The following SND1 variants were observed in gnomAD, a reference collection of about 807,000 sequenced individuals.
SND1 encodes the protein staphylococcal nuclease and tudor domain containing 1, also known as staphylococcal nuclease domain-containing protein 1.
SND1 carries 38 observed loss-of-function variants against 121.7 expected under a neutral mutation model. The observed-to-expected ratio is 0.31, with a 90% confidence interval of 0.24 to 0.41. The LOEUF (loss-of-function observed/expected upper bound fraction) is 0.41. SND1 is among the 10% of genes least tolerant of loss of function. The pLI, the probability that SND1 is intolerant of heterozygous loss-of-function variation, is 1.00. For missense variants in SND1, 868 were observed against 1,184.6 expected (o/e 0.73, Z 3.92); for synonymous variants, 401 against 447.4 (o/e 0.90, Z 1.31).
chr7:127,719,552 T>G (rs1051001254), intron 9 of SND1, among the ~76,000 whole-genome samples: 8 of 152,244 alleles, frequency 5.3e-5, no homozygotes, highest in African/African-American at 1.9e-4. Flanking sequence ...GTTCTGGCTC[T>G]CTGGGTTTTA....
intron 2 of SND1, among the ~76,000 whole-genome samples, chr7:127,693,996 A>T (rs1247936781): frequency 3.9e-5 from 6 of 152,140 alleles, no homozygotes; most frequent in African/African-American, 1.4e-4. Flanking sequence ...CTCTGCTTCT[A>T]CTGTGTGGAT....
intron 3 of SND1, 63 bp downstream of exon 3, chr7:127,695,011 TTGTGG>T: frequency 6.3e-7 from 1 of 1,577,264 alleles, no homozygotes; most frequent in Non-Finnish European, 8.6e-7. Flanking sequence ...ATCAGTTTTC[TTGTGG>T]TGGAAGGCCA....
At chr7:127,923,954 A>G (rs936007190) in intron 14 of SND1, among the ~76,000 whole-genome samples, 2 of 151,250 alleles carry the variant, frequency 1.3e-5, no homozygotes, top group African/African-American at 4.9e-5. Flanking sequence ...CATTTGCTTC[A>G]GTATCCTTAA....
intron 1 of SND1, among the ~76,000 whole-genome samples, chr7:127,677,671 C>A (rs1309472963): frequency 5.9e-5 from 9 of 152,330 alleles, no homozygotes; most frequent in Admixed American, 5.9e-4. Flanking sequence ...CTAGACAATA[C>A]ATAAATGAAT....
chr7:127,980,079 T>A (rs1437064375), intron 15 of SND1, among the ~76,000 whole-genome samples: 1 of 151,592 alleles, frequency 6.6e-6, no homozygotes, highest in East Asian at 1.9e-4. Flanking sequence ...CCTTTTTGCT[T>A]GCTTTATTTT....
At position 127,701,273 on chromosome 7, in the gene SND1, T is replaced by C. The variant is rs1378910381; in HGVS notation, c.539T>C (p.Ile180Thr). 3 of 1,614,098 alleles carry C rather than the reference T, an allele frequency of 1.9e-6. No homozygotes were observed. The highest frequency in any genetic ancestry group is 3.3e-5 in the Admixed American group (2 of 60,024). Reference protein sequence around the residue: ...SHTIRDLKYTIENPRHFVDSH... With the variant: ...SHTIRDLKYTTENPRHFVDSH... The stretch of plus-strand genomic sequence containing the variant: ...ACTATCCGGGATCTCAAGTATACCA[T>C]TGAAAACCCAAGGCACTTTGTGGAC... Residue 180 changes from isoleucine to threonine, a missense_variant, in exon 5 of 24, where the codon ATT becomes ACT. By Grantham distance (89) the Ile-to-Thr change is moderately conservative. Coordinates refer to ENST00000354725, the MANE Select transcript of SND1 (RefSeq NM_014390.4).
intron 13 of SND1, chr7:127,904,400 T>C (rs1024085735): frequency 6.5e-5 from 11 of 168,368 alleles, no homozygotes; most frequent in Non-Finnish European, 1.2e-4. Context: ...GAAATGTTAT[T>C]ACTTCTGTTT....
chr7:127,761,946 A>G (rs567189830), intron 10 of SND1, among the ~76,000 whole-genome samples: 6 of 152,296 alleles, frequency 3.9e-5, no homozygotes, highest in South Asian at 2.1e-4. Context: ...TAATTGATGT[A>G]AGATTAAATT....
At chr7:127,838,352 C>T (rs763760805) in intron 11 of SND1, among the ~76,000 whole-genome samples, 19 of 152,152 alleles carry the variant, frequency 1.2e-4, no homozygotes, top group African/African-American at 2.4e-4. Flanking sequence ...CAGAACTCAT[C>T]GTACTTAACA....
intron 10 of SND1, among the ~76,000 whole-genome samples, chr7:127,771,644 A>G (rs888061254): frequency 6.6e-5 from 10 of 152,176 alleles, no homozygotes; most frequent in African/African-American, 9.7e-5. Flanking sequence ...ACCCCCCTAT[A>G]CACATACATA....
At chr7:128,018,603 A>T (rs1008751355) in intron 16 of SND1, among the ~76,000 whole-genome samples, 1 of 152,322 alleles carries the variant, frequency 6.6e-6, no homozygotes, top group East Asian at 1.9e-4. Flanking sequence ...GGGTCTCACC[A>T]TCCTGAATAC....
At chr7:127,819,800 C>T (rs375222037) in intron 11 of SND1, among the ~76,000 whole-genome samples, 5 of 152,170 alleles carry the variant, frequency 3.3e-5, no homozygotes, top group African/African-American at 9.7e-5. Context: ...ATCTTTTTGT[C>T]ATCAAAGATT....
intron 15 of SND1, among the ~76,000 whole-genome samples, chr7:127,969,387 G>A (rs1446785281): frequency 6.6e-6 from 1 of 152,144 alleles, no homozygotes; most frequent in African/African-American, 2.4e-5. Context: ...TTCTGATCCT[G>A]GCTCCATTCG....
chr7:127,865,985 A>C (rs1280724846), intron 12 of SND1, among the ~76,000 whole-genome samples: 2 of 151,772 alleles, frequency 1.3e-5, no homozygotes, highest in Non-Finnish European at 2.9e-5. Context: ...TTTCATAGCC[A>C]ACATGCTTAA....
chr7:127,929,184 T>C lies in SND1; in HGVS notation c.1528-4T>C. ...AGTTACTCTTTTCCTCTTTTCTCCA[T>C]CAGGATACCCAAAAAGCAAAGCAGT... On this transcript the variant is annotated splice_polypyrimidine_tract_variant and splice_region_variant and intron_variant, in intron 14 of 23. Transcript: ENST00000354725. The C allele has an allele frequency of 6.2e-7, 1 of 1,613,920 alleles. No homozygotes were observed. The highest frequency in any genetic ancestry group is 1.1e-5 in the South Asian group (1 of 91,062).
intron 10 of SND1, among the ~76,000 whole-genome samples, chr7:127,783,243 G>A (rs1039259894): frequency 6.6e-6 from 1 of 152,176 alleles, no homozygotes; most frequent in Non-Finnish European, 1.5e-5. Context: ...AAATCTGACA[G>A]CTGTTACCTA....
intron 15 of SND1, among the ~76,000 whole-genome samples, chr7:127,958,719 G>C (rs1462996220): frequency 6.6e-6 from 1 of 152,180 alleles, no homozygotes; most frequent in African/African-American, 2.4e-5. Context: ...TTTTGAAAGA[G>C]GTAAGTGGGG....
intron 16 of SND1, among the ~76,000 whole-genome samples, chr7:128,048,352 A>T (rs1792988864): frequency 6.6e-6 from 1 of 151,554 alleles, no homozygotes; most frequent in South Asian, 2.1e-4. Flanking sequence ...CTTTCTCCTT[A>T]AGCTCTGTTA....
At chr7:128,061,252 A>G (rs759224891) in intron 16 of SND1, among the ~76,000 whole-genome samples, 1 of 152,208 alleles carries the variant, frequency 6.6e-6, no homozygotes, top group Admixed American at 6.5e-5. Flanking sequence ...GAGTCACATC[A>G]ACACCCATGC....
Sources: allele counts gnomAD v4.1 joint callset (sites outside exome capture counted in the v4.1 genomes callset), GRCh38; gene constraint gnomAD v4.1.1; transcripts MANE v1.5; gene names NCBI Gene and HGNC (gene_info 2026-07-23, HGNC 2026-07-21).